NLRP8: variants seen among roughly 807,000 people sequenced by gnomAD.
NLRP8 encodes the protein NACHT, LRR and PYD domains-containing protein 8.
A neutral mutation model predicts 88.7 loss-of-function variants in NLRP8; 86 were observed. The observed-to-expected ratio is 0.97, with a 90% confidence interval of 0.81 to 1.16. The LOEUF is 1.16. NLRP8 is among the 50% of genes most tolerant of loss of function. NLRP8 has a pLI of 0.00. For missense variants in NLRP8, 1,342 were observed against 1,286.5 expected, an observed-to-expected ratio of 1.04 and a Z score of -0.66; for synonymous variants, 504 against 494.6, an observed-to-expected ratio of 1.02 and a Z score of -0.25.
intron 9 of NLRP8, among the ~76,000 whole-genome samples, chr19:55,980,602 T>C (rs2123228031): frequency 6.6e-6 from 1 of 152,234 alleles, no homozygotes; most frequent in African/African-American, 2.4e-5. Context: ...GGGCCTCAGT[T>C]GTTCTCCAGG....
At position 55,955,881 on chromosome 19, in the gene NLRP8, A is replaced by G; in HGVS notation, c.1823A>G (p.Gln608Arg). The change falls in exon 3 of 10, where the codon CAG (glutamine) becomes CGG (arginine). Residue 608 changes from glutamine (Q) to arginine (R), a missense_variant. Transcript: ENST00000291971. ...CCTTCTCCGGGCAGTGGGGTCCCGC[A>G]GTTATTCTACTGTCTGCATGAAATC... The G allele has an allele frequency of 6.2e-7, 1 of 1,614,192 alleles. No homozygotes were observed. The highest frequency in any genetic ancestry group is 2.2e-5 in the East Asian group (1 of 44,874).
chr19:55,986,491 C>CACACAT (rs1980844300), intron 9 of NLRP8, among the ~76,000 whole-genome samples: 1 of 150,534 alleles, frequency 6.6e-6, no homozygotes, highest in African/African-American at 2.5e-5. Flanking sequence ...CACACACACA[C>CACACAT]ACACACACAC....
intron 3 of NLRP8, among the ~76,000 whole-genome samples, chr19:55,957,660 G>GAAAAA (rs58020055): frequency 2.1e-5 from 2 of 93,480 alleles, no homozygotes; most frequent in Admixed American, 1.1e-4. Flanking sequence ...TCTTAAAAAA[G>GAAAAA]AAAAAATAAT....
chr19:55,957,673 T>TTA (rs10523999), intron 3 of NLRP8, among the ~76,000 whole-genome samples: 49 of 31,178 alleles, frequency 1.6e-3, no homozygotes, highest in African/African-American at 1.9e-3. Context: ...AAAATAATAA[T>TTA]TATATATATA....
chr19:55,972,478 T>C (rs1600310953), intron 6 of NLRP8, among the ~76,000 whole-genome samples: 1 of 152,008 alleles, frequency 6.6e-6, no homozygotes, highest in East Asian at 1.9e-4. Context: ...GGTGTCTGGT[T>C]ACATAAATAA....
At chr19:55,968,245 C>T (rs750120923) in intron 5 of NLRP8, among the ~76,000 whole-genome samples, 2 of 151,988 alleles carry the variant, frequency 1.3e-5, no homozygotes, top group Non-Finnish European at 2.9e-5. Flanking sequence ...TCGAGACCAG[C>T]CTGGCCAACA....
chr19:55,958,070 C>T (rs961270741), intron 3 of NLRP8, among the ~76,000 whole-genome samples: 1 of 152,120 alleles, frequency 6.6e-6, no homozygotes, highest in African/African-American at 2.4e-5. Flanking sequence ...TGTCCAAGGT[C>T]ACACATCTGG....
chr19:55,948,305 C>T (rs995547656), intron 1 of NLRP8, 36 bp downstream of exon 1: 11 of 1,574,814 alleles, frequency 7.0e-6, no homozygotes, highest in Non-Finnish European at 8.6e-6. Flanking sequence ...TGGGGGTGGG[C>T]TTGGCTGCTG....
In NLRP8 at chr19:55,988,425, A is replaced by AATATATAT. The variant is rs1256657754; in HGVS notation, c.*515_*522dup. 3.5e-5 allele frequency: 3 copies of AATATATAT among 85,104 alleles called. No individual in the cohort carries two copies. The highest frequency in any genetic ancestry group is 1.7e-4 in the African/African-American group (3 of 17,438). The allele number at this position is 85,104 out of a possible 1,614,324, so 5.3% of individuals were successfully genotyped here. A position where few individuals can be genotyped will look rare whatever the true frequency, so the allele number is the denominator to read the frequency against. On this transcript the variant is annotated 3_prime_UTR_variant, in exon 10 of 10. Coordinates refer to ENST00000291971, the MANE Select transcript of NLRP8 (RefSeq NM_176811.2). ...GAAAAAAAAAATACATATACACATA[A>AATATATAT]ATATATATATGTGTGTGTGTATATA...
Position 55,979,428 on chromosome 19 carries a change from C to T in NLRP8, c.2911C>T (p.Gln971Ter), listed in dbSNP as rs1180849166. 1 of 1,614,124 alleles carries T rather than the reference C, an allele frequency of 6.2e-7. No individual in the cohort carries two copies. Among genetic ancestry groups the T allele is most frequent in the Non-Finnish European group, 8.5e-7 (1 of 1,180,034 alleles). ...CTGCCTGTTCACCTCCATCTGCTGC[C>T]AGGCCATGGCTTCCATGCTCCGCAA... The change falls in exon 9 of 10, where the codon CAG (glutamine) becomes TAG (stop). Residue 971 changes from glutamine to a stop codon, truncating the protein, a stop_gained. Coordinates refer to ENST00000291971, the MANE Select transcript of NLRP8 (RefSeq NM_176811.2). LOFTEE classifies it high-confidence loss of function.
At chr19:55,970,059 C>T (rs1254606028) in intron 5 of NLRP8, among the ~76,000 whole-genome samples, 1 of 152,154 alleles carries the variant, frequency 6.6e-6, no homozygotes, top group Non-Finnish European at 1.5e-5. Context: ...GTCTATTGCA[C>T]AGCAGGGTGA....
Position 55,948,097 on chromosome 19 carries a change from T to C in NLRP8, c.195T>C (p.Ser65=). ...AGCAGCTCTTACTGACTGAGCTCAG[T>C]ACTGGCACCATGCCCATCACCTGGG... Residue 65 remains serine (S), a synonymous_variant, in exon 1 of 10, where the codon AGT becomes AGC. Coordinates refer to ENST00000291971, the MANE Select transcript of NLRP8 (RefSeq NM_176811.2). The C allele has an allele frequency of 1.2e-6, 2 of 1,614,140 alleles. No homozygotes were observed. The highest frequency in any genetic ancestry group is 1.3e-5 in the African/African-American group (1 of 75,056).
Position 55,952,481 on chromosome 19 carries a change from T to C in NLRP8, c.368-57T>C, listed in dbSNP as rs1568458175. The C allele has an allele frequency of 2.8e-6, 4 of 1,452,534 alleles. No homozygotes were observed. In the Admixed American group the frequency reaches 6.7e-5, roughly 24 times the overall value. The allele number at this position is 1,452,534 out of a possible 1,614,324, so 90.0% of individuals were successfully genotyped here. ...AAAAGGCCATTGGCTCCATGCTGTTTCCCTGCTACCAAGATCTTATCATTC... is the reference window on the plus strand; with the variant it reads ...AAAAGGCCATTGGCTCCATGCTGTTCCCCTGCTACCAAGATCTTATCATTC... On this transcript the variant is annotated intron_variant, in intron 1 of 9. Coordinates refer to ENST00000291971, the MANE Select transcript of NLRP8 (RefSeq NM_176811.2).
At chr19:55,976,018 A>C in intron 7 of NLRP8, 115 bp from the exon 8 acceptor site, 1 of 1,066,802 alleles carries the variant, frequency 9.4e-7, no homozygotes, top group Non-Finnish European at 1.3e-6. Context: ...ACAAACAAAT[A>C]AAAACAGAAC....
At chr19:55,984,021 C>T (rs934653155) in intron 9 of NLRP8, among the ~76,000 whole-genome samples, 6 of 151,900 alleles carry the variant, frequency 3.9e-5, no homozygotes, top group Admixed American at 3.3e-4. Context: ...AAAATGAGAG[C>T]AAAAAACCCA....
intron 8 of NLRP8, among the ~76,000 whole-genome samples, chr19:55,978,621 T>G (rs1030626570): frequency 6.6e-6 from 1 of 152,148 alleles, no homozygotes; most frequent in African/African-American, 2.4e-5. Context: ...TCCATGAATT[T>G]TACTCTTTGT....
chr19:55,976,340 G>C (rs778909684), intron 8 of NLRP8, 37 bp downstream of exon 8: 3 of 1,531,130 alleles, frequency 2.0e-6, no homozygotes, highest in Non-Finnish European at 2.6e-6. Context: ...GAGACCAGGA[G>C]AATTGTATAT....
intron 9 of NLRP8, among the ~76,000 whole-genome samples, chr19:55,986,442 ACTCTCTCTCT>A (rs143870298): frequency 0.013 from 1,638 of 128,052 alleles, 25 homozygotes; most frequent in African/African-American, 0.038. Context: ...ACACACATGC[ACTCTCTCTCT>A]CACACACACA....
intron 8 of NLRP8, among the ~76,000 whole-genome samples, chr19:55,976,727 A>AAGATGTATCTAAAGATACATATATATGC (rs1980347610): frequency 1.8e-5 from 2 of 111,426 alleles, no homozygotes; most frequent in African/African-American, 3.6e-5. Context: ...TACATATATA[A>AAGATGTATCTAAAGATACATATATATGC]ATATATATGT....
Sources: allele counts gnomAD v4.1 joint callset (sites outside exome capture counted in the v4.1 genomes callset), GRCh38; gene constraint gnomAD v4.1.1; transcripts MANE v1.5; gene names NCBI Gene and HGNC (gene_info 2026-07-23, HGNC 2026-07-21).